CA10: variants seen among roughly 807,000 people sequenced by gnomAD.
CA10 encodes carbonic anhydrase-related protein 10.
A neutral mutation model predicts 44.2 loss-of-function variants in CA10; 14 were observed. The ratio of observed to expected loss-of-function variants is 0.32; its 90% CI spans 0.21 to 0.50. The LOEUF is 0.50. Ranked by LOEUF, CA10 falls within the 20% of genes least tolerant of loss-of-function variation. The pLI, the probability that CA10 is intolerant of heterozygous loss-of-function variation, is 0.99. For synonymous variants in CA10, 159 were observed against 141.6 expected, an observed-to-expected ratio of 1.12 and a Z score of -0.87; for missense variants, 350 against 409.7, an observed-to-expected ratio of 0.85 and a Z score of 1.26.
At chr17:51,649,831 A>G (rs1421377882) in intron 5 of CA10, among the ~76,000 whole-genome samples, 1 of 150,334 alleles carries the variant, frequency 6.7e-6, no homozygotes, top group Non-Finnish European at 1.5e-5. Flanking sequence ...TCATCTACGT[A>G]GAGGGTGAGA....
At chr17:52,031,250 A>G (rs1039933969) in intron 2 of CA10, among the ~76,000 whole-genome samples, 1 of 151,842 alleles carries the variant, frequency 6.6e-6, no homozygotes, top group Non-Finnish European at 1.5e-5. Context: ...CCTGGGTTCA[A>G]GCAATTCTCA....
At chr17:52,010,433 C>T (rs1281628484) in intron 2 of CA10, among the ~76,000 whole-genome samples, 1 of 151,846 alleles carries the variant, frequency 6.6e-6, no homozygotes, top group Admixed American at 6.6e-5. Flanking sequence ...CCATGGAATA[C>T]TACTCAGCCA....
intron 2 of CA10, among the ~76,000 whole-genome samples, chr17:51,993,791 G>A (rs1985128276): frequency 6.6e-6 from 1 of 151,992 alleles, no homozygotes; most frequent in Non-Finnish European, 1.5e-5. Flanking sequence ...ATGCACTCAA[G>A]TTTCTTTTTC....
chr17:51,780,005 T>A (rs9890029), intron 3 of CA10, among the ~76,000 whole-genome samples: 2,270 of 152,276 alleles, frequency 0.015, 30 homozygotes, highest in African/African-American at 0.028. Context: ...AGTGTTCTGA[T>A]CTAACACACA....
chr17:51,978,746 T>G (rs1014141283), intron 2 of CA10, among the ~76,000 whole-genome samples: 12 of 152,058 alleles, frequency 7.9e-5, no homozygotes, highest in Admixed American at 7.9e-4. Context: ...GTAAAGCTAT[T>G]TGTTGCTCCA....
At chr17:51,836,904 G>A (rs1033656319) in intron 3 of CA10, among the ~76,000 whole-genome samples, 1 of 152,110 alleles carries the variant, frequency 6.6e-6, no homozygotes. Flanking sequence ...TTAATTCTTA[G>A]TGTATATACT....
Position 51,847,980 on chromosome 17 carries a change from A to G in CA10, c.279+83010T>C, listed in dbSNP as rs9890845. Among the ~76,000 whole-genome samples, 573 of 152,280 alleles carry G rather than the reference A, an allele frequency of 3.8e-3. 1 individual carries two copies. Among genetic ancestry groups the G allele is most frequent in the African/African-American group, 0.013 (520 of 41,570 alleles). On this transcript the variant is annotated intron_variant, in intron 3 of 8. Transcript: ENST00000451037. ...CAAAGTACCTTTCATATAATCTGAC[A>G]TCAAGGAATTTCAGTTACTGCTATT... is the stretch of plus-strand genomic sequence containing the variant.
At chr17:51,901,737 G>A (rs1041821101) in intron 3 of CA10, among the ~76,000 whole-genome samples, 6 of 152,090 alleles carry the variant, frequency 3.9e-5, no homozygotes, top group Non-Finnish European at 8.8e-5. Context: ...GTACACCATG[G>A]TAATTTTAAT....
At position 51,846,637 on chromosome 17, in the gene CA10, C is replaced by G. The variant is rs572762532; in HGVS notation, c.279+84353G>C. ...CCCTCCATATTAATCTCTCCATAGT[C>G]TTTTGAATGCCAGCAAAAAGGATGT... On this transcript the variant is annotated intron_variant, in intron 3 of 8. Transcript: ENST00000451037. Among the ~76,000 whole-genome samples the G allele has an allele frequency of 5.3e-5, 8 of 152,306 alleles. No homozygotes were observed. In the East Asian group the frequency reaches 1.5e-3, roughly 29 times the overall value.
At chr17:52,129,886 G>A (rs1047945798) in intron 1 of CA10, among the ~76,000 whole-genome samples, 20 of 152,110 alleles carry the variant, frequency 1.3e-4, no homozygotes, top group African/African-American at 4.8e-4. Context: ...CAGTAGAATG[G>A]AAGAAAATAT....
chr17:51,652,513 T>C (rs1913611561), intron 5 of CA10, among the ~76,000 whole-genome samples: 1 of 152,174 alleles, frequency 6.6e-6, no homozygotes, highest in Non-Finnish European at 1.5e-5. Flanking sequence ...TTGAGGTTAG[T>C]GGCCAGGGAT....
At position 52,050,982 on chromosome 17, in the gene CA10, GA is replaced by G. The variant is rs530787049; in HGVS notation, c.136+21336del. On this transcript the variant is annotated intron_variant, in intron 2 of 8. Transcript: ENST00000451037. ...ATGTATGTTTTGACAAGAAAGAAAA[GA>G]AAAAAAAGGGAAGGAAGGAAGGAAG... is the stretch of plus-strand genomic sequence containing the variant. Among the ~76,000 whole-genome samples, 1,112 of 127,688 alleles carry G rather than the reference GA, an allele frequency of 8.7e-3. 11 individuals are homozygous for G. Among genetic ancestry groups the G allele is most frequent in the African/African-American group, 0.031 (1,054 of 34,340 alleles). The allele number at this position is 127,688 out of a possible 152,430, so 83.8% of individuals were successfully genotyped here.
At chr17:51,744,526 A>T (rs919517688) in intron 4 of CA10, among the ~76,000 whole-genome samples, 1 of 152,000 alleles carries the variant, frequency 6.6e-6, no homozygotes, top group East Asian at 1.9e-4. Flanking sequence ...AAAAGAATTG[A>T]TTGAGCCCAG....
At chr17:52,133,883 T>C (rs952898434) in intron 1 of CA10, among the ~76,000 whole-genome samples, 1 of 152,172 alleles carries the variant, frequency 6.6e-6, no homozygotes, top group African/African-American at 2.4e-5. Context: ...AGAAGATTAA[T>C]GAATGAAGAA....
chr17:51,699,294 G>A (rs937554217), intron 4 of CA10, among the ~76,000 whole-genome samples: 6 of 150,582 alleles, frequency 4.0e-5, no homozygotes, highest in African/African-American at 1.5e-4. Flanking sequence ...TTGCATGCCA[G>A]CCTGGGTGAC....
chr17:52,070,343 C>A (rs1987647421), intron 2 of CA10: 1 of 4,160 alleles, frequency 2.4e-4, no homozygotes. Context: ...CTCCCTCAAG[C>A]AGATACCAAC....
intron 3 of CA10, among the ~76,000 whole-genome samples, chr17:51,867,456 T>C (rs957830800): frequency 1.3e-5 from 2 of 152,182 alleles, no homozygotes; most frequent in Admixed American, 6.5e-5. Context: ...AGCTTTGAAG[T>C]GCAGCAAGTT....
rs190516819 is a variant in CA10, at chr17:51,825,332, T to C, written c.280-77514A>G. ...TTTTTTTTTAACTCTGCTGGGACCATCTTTGTAACATTATTAAAATTATTA... is the reference window on the plus strand; with the variant it reads ...TTTTTTTTTAACTCTGCTGGGACCACCTTTGTAACATTATTAAAATTATTA... On this transcript the variant is annotated intron_variant, in intron 3 of 8. Transcript: ENST00000451037. Among the ~76,000 whole-genome samples the C allele has an allele frequency of 4.6e-5, 7 of 152,232 alleles. No individual in the cohort carries two copies. In the East Asian group the frequency reaches 9.6e-4, roughly 21 times the overall value.
chr17:52,156,558 A>C (rs535242610), intron 1 of CA10, among the ~76,000 whole-genome samples: 1 of 152,280 alleles, frequency 6.6e-6, no homozygotes, highest in South Asian at 2.1e-4. Context: ...GGGCAGAACT[A>C]GGGTTGTTTT....
Sources: allele counts gnomAD v4.1 joint callset (sites outside exome capture counted in the v4.1 genomes callset), GRCh38; gene constraint gnomAD v4.1.1; transcripts MANE v1.5; gene names NCBI Gene and HGNC (gene_info 2026-07-23, HGNC 2026-07-21).